Variants in PODXL2 observed in about 807,000 individuals in gnomAD.
PODXL2 encodes the protein podocalyxin-like protein 2.
In PODXL2, 17 loss-of-function variants were observed where a neutral mutation model predicts 53.4. The observed-to-expected ratio is 0.32, with a 90% CI of 0.22 to 0.48. PODXL2 has a LOEUF of 0.48. PODXL2 is among the 20% of genes least tolerant of loss of function. The probability of loss-of-function intolerance (pLI) is 0.99; values close to 1 mark genes in which losing one functional copy is unlikely to be tolerated. For synonymous variants in PODXL2, 311 were observed against 306.7 expected, an observed-to-expected ratio of 1.01 and a Z score of -0.15; for missense variants, 673 against 760.0, an observed-to-expected ratio of 0.89 and a Z score of 1.35.
chr3:127,640,698 T>C (rs968179689), intron 2 of PODXL2, among the ~76,000 whole-genome samples: 6 of 82,740 alleles, frequency 7.3e-5, no homozygotes, highest in South Asian at 6.5e-4. Context: ...CAAAACTCTA[T>C]CTCAAAAAAA....
intron 1 of PODXL2, among the ~76,000 whole-genome samples, chr3:127,636,792 A>C (rs1288421543): frequency 6.6e-6 from 1 of 152,174 alleles, no homozygotes; most frequent in East Asian, 1.9e-4. Flanking sequence ...CCACCTGCCC[A>C]GGGTCACAGC....
In PODXL2 at chr3:127,629,766, G is replaced by A. The variant is rs75248891; in HGVS notation, c.70+477G>A. On this transcript the variant is annotated intron_variant, in intron 1 of 7. Coordinates refer to ENST00000342480, the MANE Select transcript of PODXL2 (RefSeq NM_015720.4). The surrounding 1 kb of genome is among the most constrained non-coding windows in gnomAD (Gnocchi z 6.4). ...GCGGAGTGTGGGGCGGGTACGCTGA[G>A]GCGCGGGTGGCTGTTTACGCGTGGC... is the stretch of plus-strand genomic sequence containing the variant. Among the ~76,000 whole-genome samples, 21,644 of 152,216 alleles carry A rather than the reference G, an allele frequency of 0.14. 2,070 individuals are homozygous for A. The highest frequency in any genetic ancestry group is 0.2 in the Non-Finnish European group (13,450 of 67,974).
At chr3:127,639,645 C>A in intron 2 of PODXL2, 122 bp downstream of exon 2, 1 of 949,900 alleles carries the variant, frequency 1.1e-6, no homozygotes, top group South Asian at 1.7e-5. Context: ...TACCATGCTG[C>A]TGCTGTTTAC....
chr3:127,635,272 C>T (rs1031791438), intron 1 of PODXL2, among the ~76,000 whole-genome samples: 2 of 152,218 alleles, frequency 1.3e-5, no homozygotes, highest in African/African-American at 4.8e-5. Context: ...GTGGCTCAAA[C>T]AGAGTTATAT....
Position 127,639,229 on chromosome 3 carries a change from T to G in PODXL2, c.71-16T>G, listed in dbSNP as rs1473883555. 6.4e-7 allele frequency: 1 copy of G among 1,572,942 alleles called. No homozygotes were observed. The highest frequency in any genetic ancestry group is 1.9e-5 in the Admixed American group (1 of 52,716). ...CTCTAGCCTCCCCTGACTGTCTGGC[T>G]TTTATGTCTGCACAGGAGCGTTCCT... On this transcript the variant is annotated splice_polypyrimidine_tract_variant and intron_variant, in intron 1 of 7. Coordinates refer to ENST00000342480, the MANE Select transcript of PODXL2 (RefSeq NM_015720.4).
chr3:127,667,786 C>T (rs549586577), intron 4 of PODXL2, among the ~76,000 whole-genome samples: 38 of 152,350 alleles, frequency 2.5e-4, no homozygotes, highest in South Asian at 6.2e-4. Flanking sequence ...CCAGGGGCTG[C>T]GGTTCCCATC....
In PODXL2 at chr3:127,666,965, G is replaced by A. The variant is rs760874764; in HGVS notation, c.1207-1476G>A. ...GGAGAGTGCTTGTTTTGTAACCAGGGGTCTGTGGGTCATGGTGCATGGACC... is the reference window on the plus strand; with the variant it reads ...GGAGAGTGCTTGTTTTGTAACCAGGAGTCTGTGGGTCATGGTGCATGGACC... On this transcript the variant is annotated intron_variant, in intron 4 of 7. Transcript: ENST00000342480. 5.9e-5 allele frequency among the ~76,000 whole-genome samples: 9 copies of A among 152,306 alleles called. No individual in the cohort carries two copies. In the South Asian group the frequency reaches 1.2e-3, roughly 21 times the overall value.
At chr3:127,642,291 GAAA>G (rs201417926) in intron 2 of PODXL2, among the ~76,000 whole-genome samples, 1 of 77,232 alleles carries the variant, frequency 1.3e-5, no homozygotes, top group African/African-American at 4.4e-5. Flanking sequence ...CTCCATCTCA[GAAA>G]AAAAAAAAAA....
In PODXL2 at chr3:127,672,424, G is replaced by T. The variant is rs1353780093; in HGVS notation, c.1762G>T (p.Gly588Trp). The T allele has an allele frequency of 6.5e-7, 1 of 1,541,126 alleles. No homozygotes were observed. Among genetic ancestry groups the T allele is most frequent in the Non-Finnish European group, 8.7e-7 (1 of 1,145,374 alleles). ...CCCGGGGAGCTGGGGGGCGCTCATG[G>T]GGGGCAAGCGGGACCCCGAGGACTC... ...NGPGSWGALM[G>W]GKRDPEDSDV... Residue 588 changes from glycine (G) to tryptophan (W), a missense_variant, in exon 8 of 8, where the codon GGG (glycine) becomes TGG (tryptophan). Transcript: ENST00000342480.
chr3:127,638,904 C>T (rs2074595785), intron 1 of PODXL2, among the ~76,000 whole-genome samples: 1 of 152,098 alleles, frequency 6.6e-6, no homozygotes, highest in African/African-American at 2.4e-5. Flanking sequence ...CAGTTTGTAG[C>T]TCCAACACCC....
intron 1 of PODXL2, among the ~76,000 whole-genome samples, chr3:127,636,649 G>T (rs73861542): frequency 6.6e-6 from 1 of 152,170 alleles, no homozygotes. Context: ...ATCTTTGTCC[G>T]TGGACATGGT....
At chr3:127,632,197 A>G (rs975207215) in intron 1 of PODXL2, among the ~76,000 whole-genome samples, 4 of 152,228 alleles carry the variant, frequency 2.6e-5, no homozygotes, top group African/African-American at 9.6e-5. Context: ...AATGACCTGG[A>G]GAGGGCAGAG....
chr3:127,651,019 C>T lies in PODXL2; in HGVS notation c.350-9359C>T, dbSNP rs564331875. On this transcript the variant is annotated intron_variant, in intron 2 of 7. Coordinates refer to ENST00000342480, the MANE Select transcript of PODXL2 (RefSeq NM_015720.4). ...ATGGCTCACACCCGTAATCCCAACG[C>T]TTCGGGAGGCCGAGACGGGTGGATC... Among the ~76,000 whole-genome samples the T allele has an allele frequency of 1.9e-3, 296 of 152,310 alleles. 5 individuals are homozygous for T. Among genetic ancestry groups the T allele is most frequent in the South Asian group, 2.9e-3 (14 of 4,830 alleles).
At chr3:127,636,519 T>G (rs888821341) in intron 1 of PODXL2, among the ~76,000 whole-genome samples, 9 of 152,226 alleles carry the variant, frequency 5.9e-5, no homozygotes, top group Non-Finnish European at 1.2e-4. Context: ...TTAAATACCT[T>G]TGGCTCAAAG....
chr3:127,669,914 G>A (rs1294531519), intron 6 of PODXL2, among the ~76,000 whole-genome samples: 5 of 152,222 alleles, frequency 3.3e-5, no homozygotes, highest in Non-Finnish European at 7.4e-5. Flanking sequence ...CTTGAGGACA[G>A]CCACCATCTC....
intron 4 of PODXL2, among the ~76,000 whole-genome samples, chr3:127,663,799 G>GGTCGTGC (rs1275086891): frequency 6.6e-6 from 1 of 152,218 alleles, no homozygotes; most frequent in East Asian, 1.9e-4. Context: ...GAAGACCACA[G>GGTCGTGC]ATGGGTACTT....
intron 2 of PODXL2, among the ~76,000 whole-genome samples, chr3:127,640,741 T>C (rs916903460): frequency 2.0e-5 from 3 of 152,032 alleles, no homozygotes; most frequent in Admixed American, 1.3e-4. Context: ...AAACTACCTA[T>C]AACCTGATAA....
chr3:127,660,644 T>C lies in PODXL2; in HGVS notation c.616T>C (p.Phe206Leu), dbSNP rs757117851. Residue 206 changes from phenylalanine to leucine, a missense_variant, in exon 3 of 8, where the codon TTT becomes CTT. Phe to Leu is a conservative substitution (Grantham distance 22, BLOSUM62 0). Coordinates refer to ENST00000342480, the MANE Select transcript of PODXL2 (RefSeq NM_015720.4). ...AGAAGCCAAGCCTCAGGTCCGTGACTTTTCTCTCACCAGCAGCAGCCAGAC... is the reference window on the plus strand; with the variant it reads ...AGAAGCCAAGCCTCAGGTCCGTGACCTTTCTCTCACCAGCAGCAGCCAGAC... ...QEEAKPQVRDFSLTSSSQTPG... is the reference protein window; with the variant it reads ...QEEAKPQVRDLSLTSSSQTPG... 1 of 1,614,196 alleles carries C rather than the reference T, an allele frequency of 6.2e-7. No homozygotes were observed. Among genetic ancestry groups the C allele is most frequent in the East Asian group, 2.2e-5 (1 of 44,890 alleles).
chr3:127,671,755 C>A (rs905519191), intron 7 of PODXL2, 142 bp downstream of exon 7: 2 of 774,692 alleles, frequency 2.6e-6, no homozygotes, highest in South Asian at 3.2e-5. Context: ...CCTAGCACTG[C>A]TGACTGCTCT....
Sources: gnomAD v4.1 joint callset for allele counts (sites outside exome capture counted in the v4.1 genomes callset) on GRCh38, gnomAD v4.1.1 for gene constraint, Gnocchi (gnomAD v3.1) non-coding constraint, MANE v1.5 for transcripts, NCBI Gene and HGNC (gene_info 2026-07-23, HGNC 2026-07-21) for gene names.